Variants in PCBP3 observed in about 807,000 individuals in gnomAD.
PCBP3 encodes the protein poly(rC) binding protein 3.
A neutral mutation model predicts 52.7 loss-of-function variants in PCBP3; 25 were observed. The ratio of observed to expected loss-of-function variants is 0.47; its 90% CI spans 0.35 to 0.66. PCBP3 has a LOEUF of 0.66. PCBP3 is among the 30% of genes least tolerant of loss of function. The pLI is 0.01. For synonymous variants in PCBP3, 162 were observed against 183.0 expected, an observed-to-expected ratio of 0.89 and a Z score of 0.93; for missense variants, 391 against 490.3, an observed-to-expected ratio of 0.80 and a Z score of 1.91.
chr21:45,861,342 G>A (rs1288181579), intron 5 of PCBP3, among the ~76,000 whole-genome samples: 2 of 152,102 alleles, frequency 1.3e-5, no homozygotes, highest in Non-Finnish European at 2.9e-5. Context: ...CTTCCAGCAG[G>A]CTGTTTGTGA....
chr21:45,721,394 C>T (rs1021807756), intron 2 of PCBP3, among the ~76,000 whole-genome samples: 3 of 122,068 alleles, frequency 2.5e-5, no homozygotes, highest in South Asian at 3.1e-4. Context: ...GCCTAGGCGA[C>T]GGAGTAAGAC....
intron 4 of PCBP3, chr21:45,762,219 C>T (rs2088747328): frequency 6.6e-6 from 1 of 152,262 alleles, no homozygotes; most frequent in African/African-American, 2.4e-5. Flanking sequence ...GGTGCTCTCA[C>T]AGGGCAAGGG....
chr21:45,927,714 G>A (rs899477491), intron 13 of PCBP3, among the ~76,000 whole-genome samples: 2 of 152,042 alleles, frequency 1.3e-5, no homozygotes, highest in Non-Finnish European at 2.9e-5. Flanking sequence ...AGCCCAAAAC[G>A]TATCAGGAGA....
chr21:45,901,282 G>C (rs2096029574), intron 9 of PCBP3, 169 bp downstream of exon 9: 2 of 604,448 alleles, frequency 3.3e-6, no homozygotes, highest in African/African-American at 1.8e-5. Context: ...CCGCAGCTCT[G>C]GTTCACCCAG....
At chr21:45,836,065 C>G (rs539716279) in intron 4 of PCBP3, among the ~76,000 whole-genome samples, 3 of 152,162 alleles carry the variant, frequency 2.0e-5, no homozygotes, top group Non-Finnish European at 2.9e-5. Context: ...GACAAGGAGT[C>G]CAGGCCACCC....
chr21:45,814,554 G>A, intron 4 of PCBP3, among the ~76,000 whole-genome samples: 1 of 114,570 alleles, frequency 8.7e-6, no homozygotes. Context: ...TGAGTGGTGA[G>A]TGATGAGTGA....
At chr21:45,911,131 A>G (rs2096381742) in intron 11 of PCBP3, 101 bp downstream of exon 11, 3 of 1,366,098 alleles carry the variant, frequency 2.2e-6, no homozygotes, top group Non-Finnish European at 3.1e-6. Flanking sequence ...AAGGACTCAC[A>G]CAGTTGGGGC....
At chr21:45,861,235 A>G (rs2094499959) in intron 5 of PCBP3, among the ~76,000 whole-genome samples, 1 of 152,096 alleles carries the variant, frequency 6.6e-6, no homozygotes, top group Admixed American at 6.5e-5. Context: ...TGAGAAGGCC[A>G]CTTACCCACA....
intron 6 of PCBP3, among the ~76,000 whole-genome samples, chr21:45,896,776 C>T (rs13049486): frequency 4.3e-3 from 369 of 85,962 alleles, no homozygotes; most frequent in African/African-American, 8.2e-3. Flanking sequence ...GAACCGGAGA[C>T]GCACTGCCTG....
At chr21:45,766,294 G>A (rs781489786) in intron 4 of PCBP3, among the ~76,000 whole-genome samples, 18 of 152,184 alleles carry the variant, frequency 1.2e-4, no homozygotes, top group African/African-American at 3.6e-4. Context: ...CCAAGTTCAC[G>A]TGTTGAAGCC....
intron 4 of PCBP3, among the ~76,000 whole-genome samples, chr21:45,803,061 TTATC>T (rs1424150737): frequency 1.3e-5 from 2 of 152,250 alleles, no homozygotes; most frequent in African/African-American, 4.8e-5. Flanking sequence ...TTCTGATTCT[TTATC>T]TATTCGTTGG....
chr21:45,940,151 C>A lies in PCBP3; in HGVS notation c.1031C>A (p.Thr344Lys). The A allele has an allele frequency of 6.2e-7, 1 of 1,614,094 alleles. No individual in the cohort carries two copies. ...TCCTCAGAGCGTCAGATCACCATCA[C>A]GGGGACCCCGGCCAACATCAGCCTT... Reference protein sequence around the residue: ...EGSSERQITITGTPANISLAQ... With the variant: ...EGSSERQITIKGTPANISLAQ... Residue 344 changes from threonine (T) to lysine (K), a missense_variant, in exon 17 of 18, where the codon ACG becomes AAG. By Grantham distance (78) the Thr-to-Lys change is moderately conservative. Coordinates refer to ENST00000681687, the MANE Select transcript of PCBP3 (RefSeq NM_001384156.1).
At chr21:45,929,634 A>G (rs995753868) in intron 13 of PCBP3, among the ~76,000 whole-genome samples, 1 of 152,166 alleles carries the variant, frequency 6.6e-6, no homozygotes, top group African/African-American at 2.4e-5. Context: ...CCAGCTGGTG[A>G]GAGGGAGGCT....
At chr21:45,730,596 T>C (rs1045062057) in intron 2 of PCBP3, among the ~76,000 whole-genome samples, 6 of 152,298 alleles carry the variant, frequency 3.9e-5, no homozygotes, top group Admixed American at 6.5e-5. Context: ...ACTGATCTTC[T>C]GTGTAGGTTT....
Position 45,757,389 on chromosome 21 carries a change from G to A in PCBP3, c.-126+1937G>A, listed in dbSNP as rs536612746. ...TAAATTGTTTGTTCTTTATTGTTGA[G>A]TTGTAGGTTTTTTAAATATATATAT... is the stretch of plus-strand genomic sequence containing the variant. On this transcript the variant is annotated intron_variant, in intron 4 of 17. Coordinates refer to ENST00000681687, the MANE Select transcript of PCBP3 (RefSeq NM_001384156.1). 2.0e-5 allele frequency among the ~76,000 whole-genome samples: 3 copies of A among 152,228 alleles called. No homozygotes were observed. The South Asian group carries it at 6.2e-4, about 32-fold the overall frequency.
intron 5 of PCBP3, chr21:45,872,092 C>T (rs931892026): frequency 1.3e-5 from 2 of 152,248 alleles, no homozygotes; most frequent in Admixed American, 1.3e-4. Context: ...CCTGGGCATC[C>T]AGCACGCCTT....
At position 45,735,168 on chromosome 21, in the gene PCBP3, G is replaced by A. The variant is rs2145852576; in HGVS notation, c.-199-224G>A. ...GGTTCTGAGTCTTTATCAGTGTCGT[G>A]TATGTTCCAGACTCAGTTTAGAATT... On this transcript the variant is annotated intron_variant, in intron 2 of 17. Transcript: ENST00000681687. The surrounding 1 kb of genome is among the most constrained non-coding windows in gnomAD (Gnocchi z 4.0). Among the ~76,000 whole-genome samples, 2 of 152,316 alleles carry A rather than the reference G, an allele frequency of 1.3e-5. No individual in the cohort carries two copies. The highest frequency in any genetic ancestry group is 6.8e-3 in the Middle Eastern group (2 of 294).
rs1427307019 is a variant in PCBP3, at chr21:45,928,338, C to A, written c.718-1579C>A. 6.6e-6 allele frequency among the ~76,000 whole-genome samples: 1 copy of A among 152,230 alleles called. No homozygotes were observed. The highest frequency in any genetic ancestry group is 6.5e-5 in the Admixed American group (1 of 15,292). On this transcript the variant is annotated intron_variant, in intron 13 of 17. Transcript: ENST00000681687. This position sits in a 1 kb window ranked among gnomAD's most constrained non-coding sequence, Gnocchi z 4.1. The stretch of plus-strand genomic sequence containing the variant: ...CGCAGATGCCACAATGCCCTGCCCC[C>A]CAGCCCAGACCTGGCTGCAAGGCCA...
Position 45,919,733 on chromosome 21 carries a change from G to A in PCBP3, c.717+2104G>A, listed in dbSNP as rs901891019. ...CAGTGCCTGACCCCACTAGGAAGCC[G>A]GGCTGTGGCCACCACACACCGGAAG... On this transcript the variant is annotated intron_variant, in intron 13 of 17. Coordinates refer to ENST00000681687, the MANE Select transcript of PCBP3 (RefSeq NM_001384156.1). Among the ~76,000 whole-genome samples, 9 of 152,240 alleles carry A rather than the reference G, an allele frequency of 5.9e-5. No homozygotes were observed. In the East Asian group the frequency reaches 7.7e-4, roughly 13 times the overall value.
Sources: gnomAD v4.1 joint callset for allele counts (sites outside exome capture counted in the v4.1 genomes callset) on GRCh38, gnomAD v4.1.1 for gene constraint, Gnocchi (gnomAD v3.1) non-coding constraint, MANE v1.5 for transcripts, NCBI Gene and HGNC (gene_info 2026-07-23, HGNC 2026-07-21) for gene names.